The following RERG variants were observed in gnomAD, a reference collection of about 807,000 sequenced individuals.
The protein encoded by RERG is ras-related and estrogen-regulated growth inhibitor.
RERG carries 25 observed loss-of-function variants against 23.2 expected under a neutral mutation model. That is an observed-to-expected ratio of 1.08 (90% CI 0.79 to 1.50). RERG has a LOEUF of 1.50. Among genes scored for constraint, RERG ranks in the 40% most tolerant of loss-of-function variants. The pLI is 0.00. For synonymous variants in RERG, 81 were observed against 89.1 expected (o/e 0.91, Z 0.51); for missense variants, 253 against 250.1 (o/e 1.01, Z -0.08).
chr12:15,219,680 G>A (rs978056977), intron 1 of RERG, among the ~76,000 whole-genome samples: 1 of 152,200 alleles, frequency 6.6e-6, no homozygotes, highest in African/African-American at 2.4e-5. Flanking sequence ...AAGAGGTGCT[G>A]GCAAGTATTT....
At chr12:15,174,366 T>C (rs1864816833) in intron 2 of RERG, among the ~76,000 whole-genome samples, 1 of 152,056 alleles carries the variant, frequency 6.6e-6, no homozygotes. Flanking sequence ...TAGATCATTT[T>C]TCCCTTGTTG....
intron 2 of RERG, among the ~76,000 whole-genome samples, chr12:15,206,507 G>A (rs1477625348): frequency 1.3e-5 from 2 of 152,058 alleles, no homozygotes; most frequent in South Asian, 2.1e-4. Flanking sequence ...AGTGATTCCC[G>A]GAATGTGGGT....
intron 2 of RERG, among the ~76,000 whole-genome samples, chr12:15,164,671 A>C (rs879742045): frequency 1.2e-4 from 18 of 152,226 alleles, no homozygotes; most frequent in Admixed American, 1.2e-3. Context: ...GGCCAACAGA[A>C]CCACTGTTTA....
intron 2 of RERG, among the ~76,000 whole-genome samples, chr12:15,126,032 GGCTTT>G (rs1863931488): frequency 6.7e-6 from 1 of 149,652 alleles, no homozygotes; most frequent in South Asian, 2.1e-4. Flanking sequence ...TACAGATGAG[GGCTTT>G]GCTACCAGGG....
intron 2 of RERG, among the ~76,000 whole-genome samples, chr12:15,184,577 AGATCCGGATC>A (rs1291149834): frequency 6.6e-6 from 1 of 152,186 alleles, no homozygotes; most frequent in Non-Finnish European, 1.5e-5. Flanking sequence ...GAATGCACTG[AGATCCGGATC>A]ATTATTACAG....
chr12:15,179,598 TC>T (rs1178237641), intron 2 of RERG, among the ~76,000 whole-genome samples: 1 of 152,070 alleles, frequency 6.6e-6, no homozygotes, highest in African/African-American at 2.4e-5. Flanking sequence ...GTTATATCTT[TC>T]CCCCAAAAAT....
chr12:15,208,132 C>A (rs748624961), intron 2 of RERG, among the ~76,000 whole-genome samples: 6 of 152,106 alleles, frequency 3.9e-5, no homozygotes, highest in Non-Finnish European at 8.8e-5. Context: ...CAGAAGAAAT[C>A]CTGCCTTAAG....
intron 3 of RERG, chr12:15,112,419 T>C (rs1338527876): frequency 6.6e-6 from 1 of 152,170 alleles, no homozygotes; most frequent in Non-Finnish European, 1.5e-5. Flanking sequence ...AAATGGCAGA[T>C]GCTCAGTACC....
chr12:15,123,162 A>T (rs1863868188), intron 2 of RERG, among the ~76,000 whole-genome samples: 1 of 152,182 alleles, frequency 6.6e-6, no homozygotes, highest in South Asian at 2.1e-4. Flanking sequence ...ATGATGAAAA[A>T]ATGAGCTTAA....
intron 2 of RERG, among the ~76,000 whole-genome samples, chr12:15,161,207 A>AAAGG (rs1864607698): frequency 7.0e-6 from 1 of 143,506 alleles, no homozygotes; most frequent in African/African-American, 2.5e-5. Context: ...AGAAAGAAAG[A>AAAGG]AAGAAAGAAA....
At chr12:15,125,694 TACA>T (rs1485089239) in intron 2 of RERG, among the ~76,000 whole-genome samples, 15 of 152,154 alleles carry the variant, frequency 9.9e-5, no homozygotes, top group African/African-American at 3.1e-4. Context: ...GAGGATTTAA[TACA>T]ACATGGGAAC....
At chr12:15,140,875 T>C (rs1178891302) in intron 2 of RERG, among the ~76,000 whole-genome samples, 6 of 152,172 alleles carry the variant, frequency 3.9e-5, no homozygotes, top group African/African-American at 1.2e-4. Flanking sequence ...TTTTCCTATG[T>C]GTACGTGTAG....
At chr12:15,110,463 C>CTTTTTTT (rs869218147) in intron 4 of RERG, among the ~76,000 whole-genome samples, 3,295 of 72,974 alleles carry the variant, frequency 0.045, 856 homozygotes, top group Non-Finnish European at 0.057. Context: ...CCATTTTTTT[C>CTTTTTTT]TTTTTTTTTT....
At chr12:15,211,516 C>T (rs1232218925) in intron 2 of RERG, among the ~76,000 whole-genome samples, 4 of 152,072 alleles carry the variant, frequency 2.6e-5, no homozygotes, top group African/African-American at 2.4e-5. Flanking sequence ...CAGTGGTTAA[C>T]GTCACTGGGA....
intron 2 of RERG, among the ~76,000 whole-genome samples, chr12:15,128,101 T>A (rs1460314339): frequency 6.6e-6 from 1 of 151,074 alleles, no homozygotes; most frequent in African/African-American, 2.5e-5. Flanking sequence ...TAATTCTACA[T>A]GTTTGATTTT....
Position 15,208,052 on chromosome 12 carries a change from C to A in RERG, c.61+9377G>T, listed in dbSNP as rs76832293. ...ACTAGTGGTAGTAAAGGAGACTACC[C>A]CTGATAATATGGATGGGCCTCATCC... On this transcript the variant is annotated intron_variant, in intron 2 of 4. Transcript: ENST00000256953. Among the ~76,000 whole-genome samples the A allele has an allele frequency of 2.7e-3, 415 of 152,094 alleles. 3 individuals carry two copies. The highest frequency in any genetic ancestry group is 9.3e-3 in the African/African-American group (387 of 41,478).
At chr12:15,163,220 A>C (rs1017760201) in intron 2 of RERG, among the ~76,000 whole-genome samples, 7 of 152,202 alleles carry the variant, frequency 4.6e-5, no homozygotes, top group Admixed American at 4.6e-4. Flanking sequence ...AAAGAGAAAT[A>C]AATAATATGC....
intron 2 of RERG, chr12:15,138,262 C>G (rs1355854713): frequency 6.1e-6 from 1 of 162,684 alleles, no homozygotes; most frequent in African/African-American, 2.4e-5. Flanking sequence ...TCTCTTATTT[C>G]CTATTTCCTC....
chr12:15,213,637 C>A (rs925259961), intron 2 of RERG, among the ~76,000 whole-genome samples: 1 of 152,188 alleles, frequency 6.6e-6, no homozygotes, highest in African/African-American at 2.4e-5. Flanking sequence ...CATGTGCGTG[C>A]ACATACACAC....
Sources: allele counts gnomAD v4.1 joint callset (sites outside exome capture counted in the v4.1 genomes callset), GRCh38; gene constraint gnomAD v4.1.1; transcripts MANE v1.5; gene names NCBI Gene and HGNC (gene_info 2026-07-23, HGNC 2026-07-21).